The following COL4A6 variants were observed in gnomAD, a reference collection of about 807,000 sequenced individuals.
COL4A6 encodes collagen type IV alpha 6 chain, also known as collagen alpha-6(IV) chain.
COL4A6 carries 59 observed loss-of-function variants against 126.7 expected under a neutral mutation model. The ratio of observed to expected loss-of-function variants is 0.47; its 90% CI spans 0.38 to 0.58. COL4A6 has a LOEUF of 0.58. COL4A6 is among the 20% of genes least tolerant of loss of function. COL4A6 has a pLI of 0.00. For synonymous variants in COL4A6, 547 were observed against 496.6 expected (o/e 1.10, Z -1.35); for missense variants, 1,285 against 1,337.3 (o/e 0.96, Z 0.61).
At chrX:108,288,894 G>A (rs934277864) in intron 3 of COL4A6, among the ~76,000 whole-genome samples, 5 of 111,549 alleles carry the variant, frequency 4.5e-5, no homozygotes, top group Non-Finnish European at 9.4e-5. Context: ...GTGAGACACT[G>A]AGAAGGACAT....
intron 19 of COL4A6, 56 bp downstream of exon 19, chrX:108,191,337 C>T: frequency 1.7e-6 from 2 of 1,169,299 alleles, no homozygotes; most frequent in Non-Finnish European, 2.3e-6. Context: ...CATGACTGTT[C>T]TGCAGTCTGG....
At chrX:108,242,902 T>C (rs1274492591) in intron 3 of COL4A6, among the ~76,000 whole-genome samples, 2 of 111,192 alleles carry the variant, frequency 1.8e-5, no homozygotes, top group Admixed American at 9.5e-5. Context: ...AACAATCCCA[T>C]AGCATATAAA....
intron 2 of COL4A6, among the ~76,000 whole-genome samples, chrX:108,392,597 G>A (rs2040862428): frequency 8.9e-6 from 1 of 111,967 alleles, no homozygotes; most frequent in Non-Finnish European, 1.9e-5. Flanking sequence ...GAGAATGGAT[G>A]TTGTGTATGA....
chrX:108,322,490 G>C (rs2039054030), intron 2 of COL4A6, among the ~76,000 whole-genome samples: 1 of 112,035 alleles, frequency 8.9e-6, no homozygotes, highest in Non-Finnish European at 1.9e-5. Context: ...TGGCATCAGG[G>C]GTAAAAGAGG....
At position 108,219,719 on chromosome X, in the gene COL4A6, A is replaced by G. The variant is rs149820261; in HGVS notation, c.303T>C (p.Phe101=). 2,688 of 1,207,361 alleles carry G rather than the reference A, an allele frequency of 2.2e-3. 39 individuals are homozygous for G. The African/African-American group carries it at 0.04, about 18-fold the overall frequency. ...TCACCGGAATCCCATTGATGCCAAG[A>G]AAGCCAGGAACTCCCATGGGACCCT... The part of the protein sequence containing the change: ...GDKGPMGVPG[F]LGINGIPGHP... Residue 101 remains phenylalanine (F), a synonymous_variant, in exon 5 of 45, where the codon TTT becomes TTC. Coordinates refer to ENST00000334504, the MANE Select transcript of COL4A6 (RefSeq NM_033641.4).
chrX:108,398,878 G>A lies in COL4A6; in HGVS notation c.63+39064C>T, dbSNP rs1445859371. Among the ~76,000 whole-genome samples, 3 of 111,431 alleles carry A rather than the reference G, an allele frequency of 2.7e-5. No individual in the cohort carries two copies. The Admixed American group carries it at 2.9e-4, about 11-fold the overall frequency. On this transcript the variant is annotated intron_variant, in intron 2 of 44. Coordinates refer to ENST00000334504, the MANE Select transcript of COL4A6 (RefSeq NM_033641.4). Reference sequence around the variant, plus strand: ...TTGGAGAAACCAATAAGTATACTTGGTAAGAGTCAAACAAGAGGGAAAGAC... The same window carrying A: ...TTGGAGAAACCAATAAGTATACTTGATAAGAGTCAAACAAGAGGGAAAGAC...
intron 3 of COL4A6, among the ~76,000 whole-genome samples, chrX:108,266,587 T>G (rs1306546788): frequency 1.8e-5 from 2 of 111,913 alleles, no homozygotes; most frequent in Admixed American, 9.5e-5. Context: ...TCTATGCTGT[T>G]CACTAATGGT....
chrX:108,233,538 T>A (rs2036363246), intron 3 of COL4A6, among the ~76,000 whole-genome samples: 1 of 111,906 alleles, frequency 8.9e-6, no homozygotes, highest in South Asian at 3.8e-4. Context: ...AGCTCTGAGA[T>A]GGAAGGGCAA....
At chrX:108,310,722 T>G (rs1183361295) in intron 3 of COL4A6, 26 bp downstream of exon 3, 1 of 1,172,921 alleles carries the variant, frequency 8.5e-7, no homozygotes, top group Non-Finnish European at 1.2e-6. Context: ...ACTATTTGTC[T>G]TTCAACAATG....
chrX:108,343,691 A>C (rs368841065), intron 2 of COL4A6, among the ~76,000 whole-genome samples: 11 of 110,774 alleles, frequency 9.9e-5, no homozygotes, highest in African/African-American at 2.6e-4. Context: ...GTTCAGAGTA[A>C]CTGAAGCAAT....
chrX:108,223,558 C>T (rs1602857172), intron 3 of COL4A6, among the ~76,000 whole-genome samples: 1 of 110,571 alleles, frequency 9.0e-6, no homozygotes, highest in African/African-American at 3.3e-5. Context: ...AAGTCATGGG[C>T]CGCACTGGAA....
At chrX:108,298,442 G>A (rs2038388072) in intron 3 of COL4A6, among the ~76,000 whole-genome samples, 3 of 111,869 alleles carry the variant, frequency 2.7e-5, no homozygotes, top group South Asian at 3.8e-4. Flanking sequence ...TCTGTTTCCC[G>A]CCTGGCCTCC....
rs374925214 is a variant in COL4A6, at chrX:108,383,108, A to G, written c.63+54834T>C. Among the ~76,000 whole-genome samples the G allele has an allele frequency of 8.2e-5, 9 of 110,151 alleles. No individual in the cohort carries two copies. The East Asian group carries it at 2.5e-3, about 31-fold the overall frequency. On this transcript the variant is annotated intron_variant, in intron 2 of 44. Coordinates refer to ENST00000334504, the MANE Select transcript of COL4A6 (RefSeq NM_033641.4). ...ACACTTAAACGATAAGAACCATTAC[A>G]TTTAATGTAAATTGATTAATCACTG...
At chrX:108,395,505 A>G (rs2040944946) in intron 2 of COL4A6, among the ~76,000 whole-genome samples, 1 of 112,283 alleles carries the variant, frequency 8.9e-6, no homozygotes, top group Non-Finnish European at 1.9e-5. Context: ...AACTGCAGGT[A>G]TCTCATGTTT....
At chrX:108,351,620 G>A (rs1414017196) in intron 2 of COL4A6, among the ~76,000 whole-genome samples, 1 of 110,617 alleles carries the variant, frequency 9.0e-6, no homozygotes, top group Non-Finnish European at 1.9e-5. Flanking sequence ...CTGATTGCAC[G>A]TGGAAATACC....
chrX:108,421,498 G>T (rs2063981377), intron 2 of COL4A6, among the ~76,000 whole-genome samples: 1 of 111,859 alleles, frequency 8.9e-6, no homozygotes, highest in South Asian at 3.7e-4. Flanking sequence ...TAGTGATGAG[G>T]AAGTGAACTT....
chrX:108,288,521 G>GCTATACTCTACCA (rs2038069254), intron 3 of COL4A6, among the ~76,000 whole-genome samples: 1 of 111,361 alleles, frequency 9.0e-6, no homozygotes, highest in Non-Finnish European at 1.9e-5. Context: ...GTATAGACTG[G>GCTATACTCTACCA]GGCATAATAC....
intron 22 of COL4A6, 118 bp from the exon 23 acceptor site, chrX:108,187,397 T>G (rs2034902239): frequency 3.5e-6 from 2 of 574,556 alleles, no homozygotes; most frequent in Non-Finnish European, 5.1e-6. Flanking sequence ...GTTAAAATTA[T>G]CTATCATCAC....
chrX:108,209,929 T>C (rs770300373), intron 8 of COL4A6, 40 bp downstream of exon 8: 30 of 1,194,500 alleles, frequency 2.5e-5, no homozygotes, highest in Non-Finnish European at 3.2e-5. Context: ...TAGTGATTTT[T>C]AGTCAACACT....
Sources: allele counts gnomAD v4.1 joint callset (sites outside exome capture counted in the v4.1 genomes callset), GRCh38; gene constraint gnomAD v4.1.1; transcripts MANE v1.5; gene names NCBI Gene and HGNC (gene_info 2026-07-23, HGNC 2026-07-21).